The following ARSB variants were observed in gnomAD, a reference collection of about 807,000 sequenced individuals.
The protein encoded by ARSB is N-acetylgalactosamine-4-sulfatase.
In ARSB, 41 loss-of-function variants were observed where a neutral mutation model predicts 50.9. The ratio of observed to expected loss-of-function variants is 0.81; its 90% confidence interval spans 0.63 to 1.04. The LOEUF (loss-of-function observed/expected upper bound fraction) is 1.04. Ranked by LOEUF, ARSB falls within the 50% of genes least tolerant of loss-of-function variation. ARSB has a pLI of 0.00. For synonymous variants in ARSB, 269 were observed against 284.8 expected, an observed-to-expected ratio of 0.94 and a Z score of 0.56; for missense variants, 672 against 693.3, an observed-to-expected ratio of 0.97 and a Z score of 0.35.
chr5:78,942,329 T>C (rs994251361), intron 4 of ARSB, among the ~76,000 whole-genome samples: 1 of 152,246 alleles, frequency 6.6e-6, no homozygotes, highest in Non-Finnish European at 1.5e-5. Flanking sequence ...TGCTAGCTTT[T>C]GAATGGGTTT....
chr5:78,839,227 C>A, intron 6 of ARSB, 129 bp downstream of exon 6: 1 of 850,520 alleles, frequency 1.2e-6, no homozygotes. Context: ...GGAGATATGT[C>A]CCGAAGAACT....
intron 4 of ARSB, among the ~76,000 whole-genome samples, chr5:78,894,583 C>A (rs141201545): frequency 2.6e-5 from 4 of 152,188 alleles, no homozygotes; most frequent in Non-Finnish European, 5.9e-5. Context: ...AAACAAAAGT[C>A]ACGAGAACAC....
At chr5:78,832,919 A>G (rs1207681341) in intron 6 of ARSB, among the ~76,000 whole-genome samples, 17 of 152,136 alleles carry the variant, frequency 1.1e-4, no homozygotes, top group Non-Finnish European at 1.5e-5. Context: ...CCTATGTTAC[A>G]TGATCGGATA....
At chr5:78,888,726 A>G (rs1748149948) in intron 4 of ARSB, among the ~76,000 whole-genome samples, 1 of 152,178 alleles carries the variant, frequency 6.6e-6, no homozygotes, top group Admixed American at 6.5e-5. Flanking sequence ...TGACTCAGAT[A>G]GGAAAATTCT....
intron 2 of ARSB, 105 bp downstream of exon 2, chr5:78,968,884 GTGCCGACTGATTCACTC>G (rs1752324301): frequency 1.7e-6 from 2 of 1,163,656 alleles, no homozygotes; most frequent in South Asian, 2.6e-5. Context: ...CCCCATTACA[GTGCCGACTGATTCACTC>G]TGTGTTCAAA....
At chr5:78,810,890 C>T (rs1167820622) in intron 6 of ARSB, among the ~76,000 whole-genome samples, 1 of 152,198 alleles carries the variant, frequency 6.6e-6, no homozygotes, top group African/African-American at 2.4e-5. Flanking sequence ...GTGTTGTTAA[C>T]ATAGTTAAAC....
intron 4 of ARSB, among the ~76,000 whole-genome samples, chr5:78,897,569 T>C (rs1748621538): frequency 6.6e-6 from 1 of 152,112 alleles, no homozygotes; most frequent in Non-Finnish European, 1.5e-5. Flanking sequence ...CTGTAAATGA[T>C]ATATATATAA....
At chr5:78,800,786 G>C (rs1743360155) in intron 6 of ARSB, among the ~76,000 whole-genome samples, 1 of 152,140 alleles carries the variant, frequency 6.6e-6, no homozygotes, top group South Asian at 2.1e-4. Context: ...ACTTTGAAGA[G>C]TAAGCACTAC....
At chr5:78,866,970 G>T (rs371341459) in intron 5 of ARSB, among the ~76,000 whole-genome samples, 11 of 152,350 alleles carry the variant, frequency 7.2e-5, no homozygotes, top group Non-Finnish European at 1.5e-4. Flanking sequence ...CACACCGTGC[G>T]CGAGCCAAAG....
At position 78,781,837 on chromosome 5, in the gene ARSB, A is replaced by G; in HGVS notation, c.1336+15T>C. 1 of 1,614,022 alleles carries G rather than the reference A, an allele frequency of 6.2e-7. No homozygotes were observed. Among genetic ancestry groups the G allele is most frequent in the South Asian group, 1.1e-5 (1 of 91,068 alleles). On this transcript the variant is annotated intron_variant, in intron 7 of 7. Coordinates refer to ENST00000264914, the MANE Select transcript of ARSB (RefSeq NM_000046.5). ...CTACCACGGGAAGGGAAGTTTGCTA[A>G]GCTAAGGACTCTACCTGGGTAGCCC...
At chr5:78,933,785 G>A (rs1561510272) in intron 4 of ARSB, among the ~76,000 whole-genome samples, 1 of 152,206 alleles carries the variant, frequency 6.6e-6, no homozygotes, top group Non-Finnish European at 1.5e-5. Flanking sequence ...ATGGCAACGG[G>A]GAGTTAAAGT....
chr5:78,889,492 C>A (rs537104909), intron 4 of ARSB, among the ~76,000 whole-genome samples: 1 of 151,990 alleles, frequency 6.6e-6, no homozygotes, highest in Admixed American at 6.6e-5. Context: ...AGCAAAGAAA[C>A]GTTTTTTCAG....
intron 5 of ARSB, among the ~76,000 whole-genome samples, chr5:78,857,313 C>T (rs1052327880): frequency 1.2e-4 from 19 of 152,182 alleles, no homozygotes; most frequent in African/African-American, 4.6e-4. Context: ...TCAAGTCACA[C>T]AGTCTACTCA....
chr5:78,809,193 CGGGCACCGAGG>C (rs1743702855), intron 6 of ARSB, among the ~76,000 whole-genome samples: 1 of 152,104 alleles, frequency 6.6e-6, no homozygotes, highest in Non-Finnish European at 1.5e-5. Flanking sequence ...ACACGCTGAG[CGGGCACCGAGG>C]GGGTTGCAAT....
chr5:78,839,217 G>A, intron 6 of ARSB, 139 bp downstream of exon 6: 1 of 778,032 alleles, frequency 1.3e-6, no homozygotes. Context: ...GAGATGAGCG[G>A]GAGATATGTC....
chr5:78,910,231 G>GT (rs1435292273), intron 4 of ARSB, among the ~76,000 whole-genome samples: 1 of 152,226 alleles, frequency 6.6e-6, no homozygotes, highest in East Asian at 1.9e-4. Context: ...CAGGTCCTCT[G>GT]TATGCTAAGC....
chr5:78,825,782 T>C (rs980764493), intron 6 of ARSB, among the ~76,000 whole-genome samples: 1 of 152,190 alleles, frequency 6.6e-6, no homozygotes, highest in African/African-American at 2.4e-5. Flanking sequence ...TACAAAATGA[T>C]GTAAAAGAAA....
At position 78,787,790 on chromosome 5, in the gene ARSB, A is replaced by G. The variant is rs1162450236; in HGVS notation, c.1214-5816T>C. Among the ~76,000 whole-genome samples the G allele has an allele frequency of 5.3e-5, 8 of 152,204 alleles. No homozygotes were observed. In the East Asian group the frequency reaches 1.3e-3, roughly 26 times the overall value. ...TGATTTTAGGAATTAACTTGAGCTCAAGGTAGACGGCTCCACAACATATTG... is the reference window on the plus strand; with the variant it reads ...TGATTTTAGGAATTAACTTGAGCTCGAGGTAGACGGCTCCACAACATATTG... On this transcript the variant is annotated intron_variant, in intron 6 of 7. Transcript: ENST00000264914.
chr5:78,781,806 C>T (rs1444594016), intron 7 of ARSB, 46 bp downstream of exon 7: 1 of 1,613,178 alleles, frequency 6.2e-7, no homozygotes, highest in African/African-American at 1.3e-5. Context: ...CACAGCCCTG[C>T]TTTGTCTACC....
Sources: gnomAD v4.1 joint callset for allele counts (sites outside exome capture counted in the v4.1 genomes callset) on GRCh38, gnomAD v4.1.1 for gene constraint, MANE v1.5 for transcripts, NCBI Gene and HGNC (gene_info 2026-07-23, HGNC 2026-07-21) for gene names.